The following CARNMT1 variants were observed in gnomAD, a reference collection of about 807,000 sequenced individuals.
The protein encoded by CARNMT1 is protein-L-histidine N-pros-methyltransferase CARNMT1.
CARNMT1 carries 28 observed loss-of-function variants against 49.6 expected under a neutral mutation model. The observed-to-expected ratio is 0.56, with a 90% CI of 0.42 to 0.77. The LOEUF is 0.77. CARNMT1 is among the 30% of genes least tolerant of loss of function. CARNMT1 has a pLI of 0.00. For missense variants in CARNMT1, 421 were observed against 512.6 expected (o/e 0.82, Z 1.73); for synonymous variants, 178 against 175.0 (o/e 1.02, Z -0.13).
chr9:75,005,735 A>T (rs1361867139), intron 3 of CARNMT1, among the ~76,000 whole-genome samples: 2 of 151,706 alleles, frequency 1.3e-5, no homozygotes, highest in Non-Finnish European at 2.9e-5. Context: ...CGCCTCCCAA[A>T]GTGCTGGGAT....
At chr9:75,013,045 T>C (rs1159117941) in intron 3 of CARNMT1, among the ~76,000 whole-genome samples, 1 of 152,196 alleles carries the variant, frequency 6.6e-6, no homozygotes, top group Non-Finnish European at 1.5e-5. Context: ...CAAAACTTGG[T>C]GGACTGTCGG....
chr9:74,999,222 A>G (rs1833286953), intron 4 of CARNMT1, among the ~76,000 whole-genome samples: 1 of 152,116 alleles, frequency 6.6e-6, no homozygotes, highest in African/African-American at 2.4e-5. Context: ...CTCAATGTAC[A>G]TCTTCTGGCT....
intron 1 of CARNMT1, among the ~76,000 whole-genome samples, chr9:75,022,213 CTTTTTTTTTTTTTTTT>C (rs35783706): frequency 0.017 from 1,336 of 77,050 alleles, 63 homozygotes; most frequent in Non-Finnish European, 0.017. Flanking sequence ...AGAAGGAATA[CTTTTTTTTTTTTTTTT>C]TTTTTTTTTT....
At chr9:75,005,206 G>A (rs1833465302) in intron 3 of CARNMT1, among the ~76,000 whole-genome samples, 1 of 152,084 alleles carries the variant, frequency 6.6e-6, no homozygotes, top group South Asian at 2.1e-4. Flanking sequence ...AAATTTCAAT[G>A]AGCAACTGCT....
intron 6 of CARNMT1, chr9:74,996,152 A>T: frequency 4.4e-6 from 1 of 227,058 alleles, no homozygotes; most frequent in Non-Finnish European, 8.7e-6. Flanking sequence ...CTGTCTCAGC[A>T]TGTGGGATGG....
intron 3 of CARNMT1, 104 bp from the exon 4 acceptor site, chr9:74,999,974 A>T: frequency 3.0e-6 from 3 of 998,302 alleles, no homozygotes; most frequent in Non-Finnish European, 4.3e-6. Flanking sequence ...CAATAAGAAT[A>T]AGCTAAGACT....
chr9:75,022,664 T>C (rs1014954247), intron 1 of CARNMT1, among the ~76,000 whole-genome samples: 1 of 152,148 alleles, frequency 6.6e-6, no homozygotes, highest in Non-Finnish European at 1.5e-5. Flanking sequence ...GCTTCAACAG[T>C]TGAACAGCCT....
At chr9:74,986,434 T>C (rs1832841440) in intron 6 of CARNMT1, among the ~76,000 whole-genome samples, 1 of 152,200 alleles carries the variant, frequency 6.6e-6, no homozygotes, top group Non-Finnish European at 1.5e-5. Flanking sequence ...AAGCTGAAAT[T>C]TGTTATATTA....
intron 3 of CARNMT1, among the ~76,000 whole-genome samples, chr9:75,000,985 G>A (rs1027033308): frequency 1.3e-5 from 2 of 151,856 alleles, no homozygotes; most frequent in Non-Finnish European, 2.9e-5. Flanking sequence ...CAGACCTAAC[G>A]CTCTCTCATT....
At chr9:74,988,700 C>G (rs1017714283) in intron 6 of CARNMT1, among the ~76,000 whole-genome samples, 1 of 152,162 alleles carries the variant, frequency 6.6e-6, no homozygotes, top group African/African-American at 2.4e-5. Context: ...ATAGTTGAGG[C>G]TTTGTGTCCC....
chr9:74,986,392 A>G (rs1438804164), intron 6 of CARNMT1, among the ~76,000 whole-genome samples: 2 of 152,206 alleles, frequency 1.3e-5, no homozygotes, highest in African/African-American at 2.4e-5. Context: ...CTTACAAAAG[A>G]TAACAATGGT....
At chr9:75,021,218 T>C (rs1822341137) in intron 1 of CARNMT1, among the ~76,000 whole-genome samples, 1 of 148,340 alleles carries the variant, frequency 6.7e-6, no homozygotes, top group Non-Finnish European at 1.5e-5. Context: ...ATACCTACTG[T>C]TCAATATACT....
chr9:75,000,864 G>GC (rs1259024311), intron 3 of CARNMT1, among the ~76,000 whole-genome samples: 2 of 151,942 alleles, frequency 1.3e-5, no homozygotes, highest in African/African-American at 4.8e-5. Context: ...TATAACCTTT[G>GC]CATGTCCCAC....
At chr9:75,008,010 T>G (rs1266297850) in intron 3 of CARNMT1, among the ~76,000 whole-genome samples, 2 of 151,948 alleles carry the variant, frequency 1.3e-5, no homozygotes, top group Non-Finnish European at 2.9e-5. Flanking sequence ...GTGCTTCTAT[T>G]ACATTAGCAA....
intron 1 of CARNMT1, among the ~76,000 whole-genome samples, chr9:75,026,135 C>A (rs1198352342): frequency 6.6e-6 from 1 of 151,974 alleles, no homozygotes; most frequent in East Asian, 1.9e-4. Context: ...AGAGTATATA[C>A]AAATAAAAAC....
intron 1 of CARNMT1, chr9:75,027,323 G>C: frequency 9.1e-6 from 7 of 770,782 alleles, no homozygotes; most frequent in Non-Finnish European, 1.1e-5. Flanking sequence ...ATTAGATACA[G>C]ATTTGCAGAA....
intron 3 of CARNMT1, chr9:75,010,180 A>G (rs997754936): frequency 2.8e-4 from 40 of 143,374 alleles, no homozygotes; most frequent in African/African-American, 9.5e-4. Context: ...CCAGGCTAGA[A>G]TGGCATGATC....
chr9:75,002,254 T>A (rs552600392), intron 3 of CARNMT1, among the ~76,000 whole-genome samples: 35 of 152,354 alleles, frequency 2.3e-4, no homozygotes, highest in African/African-American at 6.5e-4. Context: ...TTTCCTTTGT[T>A]ACACACAGAA....
In CARNMT1 at chr9:75,028,187, C is replaced by A. The variant is rs202145124; in HGVS notation, c.55G>T (p.Gly19Trp). The change falls in exon 1 of 8, where the codon GGG becomes TGG. Residue 19 changes from glycine (G) to tryptophan (W), a missense_variant. Physicochemically the swap from Gly to Trp is radical, Grantham distance 184. Transcript: ENST00000376834. Reference protein sequence around the residue: ...PPTSRLPEGCGGGGGGSEEVE... With the variant: ...PPTSRLPEGCWGGGGGSEEVE... ...TCCTCGCTGCCACCGCCTCCTCCCC[C>A]GCAGCCCTCGGGCAGCCGGGAGGTG... 4 of 1,506,704 alleles carry A rather than the reference C, an allele frequency of 2.7e-6. No individual in the cohort carries two copies. The Admixed American group carries it at 8.7e-5, about 33-fold the overall frequency. 93.3% of individuals were successfully genotyped at this position (1,506,704 alleles called of 1,614,324 possible). A position where few individuals can be genotyped will look rare whatever the true frequency, so the allele number is the denominator to read the frequency against.
Sources: gnomAD v4.1 joint callset for allele counts (sites outside exome capture counted in the v4.1 genomes callset) on GRCh38, gnomAD v4.1.1 for gene constraint, MANE v1.5 for transcripts, NCBI Gene and HGNC (gene_info 2026-07-23, HGNC 2026-07-21) for gene names.